Variants in LDAH observed in about 807,000 individuals in gnomAD.
LDAH encodes lipid droplet-associated hydrolase.
LDAH carries 26 observed loss-of-function variants against 29.6 expected under a neutral mutation model. That is an observed-to-expected ratio of 0.88 (90% CI 0.64 to 1.22). The LOEUF is 1.22. Ranked by LOEUF, LDAH falls within the 50% of genes most tolerant of loss-of-function variation. The pLI is 0.00. For missense variants in LDAH, 344 were observed against 387.3 expected, an observed-to-expected ratio of 0.89 and a Z score of 0.94; for synonymous variants, 117 against 133.0, an observed-to-expected ratio of 0.88 and a Z score of 0.83.
chr2:20,801,534 C>A, intron 1 of LDAH, 69 bp from the exon 2 acceptor site: 2 of 1,402,692 alleles, frequency 1.4e-6, no homozygotes, highest in Admixed American at 1.9e-5. Flanking sequence ...AGACAAAATT[C>A]AAGAATAAAA....
chr2:20,703,158 C>T (rs1364183614), intron 5 of LDAH, among the ~76,000 whole-genome samples: 1 of 152,206 alleles, frequency 6.6e-6, no homozygotes, highest in Non-Finnish European at 1.5e-5. Context: ...TTTGCCTCTG[C>T]TTTCCTTGTT....
At chr2:20,766,959 C>A (rs1036707570) in intron 4 of LDAH, among the ~76,000 whole-genome samples, 7 of 152,316 alleles carry the variant, frequency 4.6e-5, no homozygotes, top group African/African-American at 1.7e-4. Context: ...GTCTGCCCTG[C>A]ATCAGGGTGA....
chr2:20,809,090 T>G (rs772276479), intron 1 of LDAH, among the ~76,000 whole-genome samples: 1 of 151,936 alleles, frequency 6.6e-6, no homozygotes, highest in African/African-American at 2.4e-5. Context: ...ATAGTAAACA[T>G]GAGCCATAAA....
chr2:20,795,757 A>T (rs1463472119), intron 2 of LDAH, among the ~76,000 whole-genome samples: 1 of 152,210 alleles, frequency 6.6e-6, no homozygotes, highest in African/African-American at 2.4e-5. Context: ...ACTCACAATT[A>T]TCATTACTAA....
chr2:20,761,192 T>C (rs887606558), intron 4 of LDAH, among the ~76,000 whole-genome samples: 1 of 152,184 alleles, frequency 6.6e-6, no homozygotes, highest in Non-Finnish European at 1.5e-5. Context: ...TTAATCTGTA[T>C]GAACAGAAGA....
At chr2:20,812,841 T>C (rs1438508717) in intron 1 of LDAH, among the ~76,000 whole-genome samples, 1 of 152,172 alleles carries the variant, frequency 6.6e-6, no homozygotes, top group Non-Finnish European at 1.5e-5. Flanking sequence ...TGAGAGTGCT[T>C]TCTGTAAGCC....
At chr2:20,794,443 A>G (rs1376760846) in intron 2 of LDAH, among the ~76,000 whole-genome samples, 6 of 152,152 alleles carry the variant, frequency 3.9e-5, no homozygotes, top group African/African-American at 1.4e-4. Flanking sequence ...TGCAAAAAGA[A>G]AAAGAAAAAA....
intron 6 of LDAH, among the ~76,000 whole-genome samples, chr2:20,696,264 A>C (rs1000837674): frequency 7.2e-5 from 11 of 152,184 alleles, no homozygotes; most frequent in Non-Finnish European, 1.2e-4. Flanking sequence ...ACAACTGCAC[A>C]AGGTTTGCTC....
intron 6 of LDAH, 130 bp downstream of exon 6, chr2:20,701,440 T>C: frequency 1.4e-6 from 1 of 694,370 alleles, no homozygotes. Flanking sequence ...CAATTTTAAC[T>C]GGAAGTAGAA....
intron 1 of LDAH, among the ~76,000 whole-genome samples, chr2:20,812,063 G>T (rs921596272): frequency 3.9e-5 from 6 of 152,188 alleles, no homozygotes; most frequent in Admixed American, 3.3e-4. Flanking sequence ...ATACATATAG[G>T]GGGAAATGTA....
chr2:20,735,951 A>G (rs997724631), intron 5 of LDAH, among the ~76,000 whole-genome samples: 3 of 152,108 alleles, frequency 2.0e-5, no homozygotes, highest in Non-Finnish European at 4.4e-5. Flanking sequence ...TGGTGGCCCC[A>G]TTACTGCAGG....
intron 4 of LDAH, among the ~76,000 whole-genome samples, chr2:20,756,208 T>C (rs1053482803): frequency 6.6e-6 from 1 of 152,066 alleles, no homozygotes; most frequent in African/African-American, 2.4e-5. Context: ...CTAATTTTTG[T>C]ATTTTTAGTA....
chr2:20,730,844 G>C (rs1666351753), intron 5 of LDAH, among the ~76,000 whole-genome samples: 1 of 152,106 alleles, frequency 6.6e-6, no homozygotes, highest in South Asian at 2.1e-4. Context: ...TCAAAAATCA[G>C]TTGGGCACAC....
intron 1 of LDAH, among the ~76,000 whole-genome samples, chr2:20,808,932 T>C (rs1040987391): frequency 9.2e-5 from 14 of 152,156 alleles, no homozygotes; most frequent in African/African-American, 3.4e-4. Context: ...TAAATGAATC[T>C]TGACTCCTTT....
intron 2 of LDAH, among the ~76,000 whole-genome samples, chr2:20,791,486 G>A (rs974822027): frequency 1.3e-5 from 2 of 152,182 alleles, no homozygotes; most frequent in South Asian, 2.1e-4. Context: ...AATATACAAC[G>A]GCCGTAGCAT....
chr2:20,779,379 C>T (rs539835937), intron 3 of LDAH, among the ~76,000 whole-genome samples: 1 of 152,026 alleles, frequency 6.6e-6, no homozygotes, highest in Non-Finnish European at 1.5e-5. Flanking sequence ...AGGGAACTTA[C>T]AGGACAGGTC....
intron 4 of LDAH, among the ~76,000 whole-genome samples, chr2:20,754,071 G>A (rs1239561182): frequency 1.3e-5 from 2 of 152,152 alleles, no homozygotes; most frequent in Admixed American, 6.5e-5. Flanking sequence ...TCTTGGTAAA[G>A]ATTGGATCAG....
At chr2:20,805,215 A>G (rs1558496348) in intron 1 of LDAH, among the ~76,000 whole-genome samples, 2 of 152,232 alleles carry the variant, frequency 1.3e-5, no homozygotes, top group Non-Finnish European at 2.9e-5. Context: ...ATGAAAATCA[A>G]GCTCAGTCTA....
At chr2:20,736,658 G>A (rs1410099477) in intron 5 of LDAH, among the ~76,000 whole-genome samples, 4 of 152,008 alleles carry the variant, frequency 2.6e-5, no homozygotes, top group African/African-American at 9.7e-5. Context: ...ATCTATAAAG[G>A]ACATTTCCAT....
Sources: gnomAD v4.1 joint callset for allele counts (sites outside exome capture counted in the v4.1 genomes callset) on GRCh38, gnomAD v4.1.1 for gene constraint, MANE v1.5 for transcripts, NCBI Gene and HGNC (gene_info 2026-07-23, HGNC 2026-07-21) for gene names.